The following POC1B variants were observed in gnomAD, a reference collection of about 807,000 sequenced individuals.
The protein encoded by POC1B is POC1 centriolar protein homolog B.
In POC1B, 44 loss-of-function variants were observed where a neutral mutation model predicts 60.6. The observed-to-expected ratio is 0.73, with a 90% CI of 0.57 to 0.93. POC1B has a LOEUF of 0.93. Ranked by LOEUF, POC1B falls within the 40% of genes least tolerant of loss-of-function variation. The pLI is 0.00. For missense variants in POC1B, 555 were observed against 572.3 expected (o/e 0.97, Z 0.31); for synonymous variants, 180 against 198.9 (o/e 0.90, Z 0.80).
intron 2 of POC1B, chr12:89,522,260 A>G (rs1248460655): frequency 1.3e-5 from 5 of 398,092 alleles, no homozygotes; most frequent in African/African-American, 8.2e-5. Flanking sequence ...CCAATTACAC[A>G]TATCTCTAAA....
At chr12:89,455,530 T>C (rs754817816) in intron 10 of POC1B, among the ~76,000 whole-genome samples, 9 of 152,230 alleles carry the variant, frequency 5.9e-5, no homozygotes, top group African/African-American at 2.2e-4. Flanking sequence ...TACTTCTGTC[T>C]GGCTAGGTTG....
Position 89,497,276 on chromosome 12 carries a change from T to A in POC1B, c.167A>T (p.Tyr56Phe). 1 of 1,613,312 alleles carries A rather than the reference T, an allele frequency of 6.2e-7. No individual in the cohort carries two copies. ...NFKPHARAYR[Y>F]VGHKDVVTSV... The stretch of plus-strand genomic sequence containing the variant: ...GGTTACAACATCCTTGTGACCCACA[T>A]ATCTGTAAGCTCTAGCATGTGGCTT... The change falls in exon 3 of 12, where the codon TAT becomes TTT. Residue 56 changes from tyrosine to phenylalanine, a missense_variant. By Grantham distance (22) the Tyr-to-Phe change is conservative (BLOSUM62 3). Coordinates refer to ENST00000313546, the MANE Select transcript of POC1B (RefSeq NM_172240.3).
the POC1B span, among the ~76,000 whole-genome samples, chr12:89,405,151 C>A: frequency 2.6e-5 from 4 of 152,040 alleles, no homozygotes; most frequent in East Asian, 5.8e-4. Flanking sequence ...TTGTCAGAAC[C>A]AAACTTGTAA....
intron 10 of POC1B, chr12:89,429,591 T>C (rs1379532098): frequency 6.6e-6 from 1 of 152,216 alleles, no homozygotes; most frequent in Non-Finnish European, 1.5e-5. Flanking sequence ...ACTGAGCATC[T>C]ATCTATACAT....
intron 1 of POC1B, 165 bp from the exon 2 acceptor site, chr12:89,525,369 C>G: frequency 1.4e-6 from 2 of 1,423,798 alleles, no homozygotes; most frequent in Non-Finnish European, 1.8e-6. Flanking sequence ...GGGCGCGGCG[C>G]CCAGTCCTGC....
chr12:89,437,197 C>T (rs897860507), intron 10 of POC1B, among the ~76,000 whole-genome samples: 1 of 152,046 alleles, frequency 6.6e-6, no homozygotes, highest in Non-Finnish European at 1.5e-5. Flanking sequence ...GTTTTATCTC[C>T]CTCCAACCCC....
At chr12:89,442,405 T>A (rs1483093194) in intron 10 of POC1B, among the ~76,000 whole-genome samples, 1 of 152,176 alleles carries the variant, frequency 6.6e-6, no homozygotes, top group African/African-American at 2.4e-5. Flanking sequence ...ACAGCAGATG[T>A]CTCGGCAGAA....
chr12:89,519,409 C>G (rs1870657975), intron 2 of POC1B: 1 of 152,102 alleles, frequency 6.6e-6, no homozygotes. Context: ...TAATCACAAT[C>G]TATTTGCAAA....
chr12:89,429,181 A>G (rs1372209662), intron 10 of POC1B: 2 of 152,224 alleles, frequency 1.3e-5, no homozygotes, highest in Admixed American at 6.5e-5. Context: ...AAAATATATT[A>G]TTATCATATG....
rs115300017 is a variant in POC1B, at chr12:89,451,540, G to A, written c.1113+8098C>T. 7.7e-3 allele frequency among the ~76,000 whole-genome samples: 1,166 copies of A among 152,296 alleles called. 11 individuals carry two copies. Among genetic ancestry groups the A allele is most frequent in the African/African-American group, 0.026 (1,090 of 41,564 alleles). On this transcript the variant is annotated intron_variant, in intron 10 of 11. Coordinates refer to ENST00000313546, the MANE Select transcript of POC1B (RefSeq NM_172240.3). ...TTTATGTTTCAGGATATATGATTGT[G>A]TGGCCTGACAATCTCAGAAAGTAAA...
intron 11 of POC1B, among the ~76,000 whole-genome samples, chr12:89,424,892 C>T (rs998075202): frequency 2.0e-5 from 3 of 152,132 alleles, no homozygotes; most frequent in African/African-American, 7.2e-5. Context: ...GAAATGGTTA[C>T]TCCCAATACA....
intron 7 of POC1B, 23 bp from the exon 8 acceptor site, chr12:89,467,708 G>A (rs1414230471): frequency 1.3e-6 from 2 of 1,569,248 alleles, no homozygotes; most frequent in Non-Finnish European, 1.7e-6. Context: ...GGGAAATAAA[G>A]AAAAAAAGTA....
At chr12:89,415,189 ATT>A (rs1479626224), downstream of POC1B, among the ~76,000 whole-genome samples, 2 of 152,202 alleles carry the variant, frequency 1.3e-5, no homozygotes, top group African/African-American at 4.8e-5. Flanking sequence ...TTATATAATC[ATT>A]CTTTTTGTTA....
chr12:89,517,220 C>CTA (rs1397057938), intron 2 of POC1B, among the ~76,000 whole-genome samples: 1 of 152,176 alleles, frequency 6.6e-6, no homozygotes, highest in African/African-American at 2.4e-5. Flanking sequence ...TGCTACTCTC[C>CTA]TTTTAGTCCT....
intron 5 of POC1B, 58 bp downstream of exon 5, chr12:89,472,109 TA>T: frequency 9.0e-7 from 1 of 1,111,002 alleles, no homozygotes; most frequent in Non-Finnish European, 1.3e-6. Context: ...TAAATTGTTA[TA>T]ATCAAACGTC....
At chr12:89,502,265 T>A in intron 2 of POC1B, 1 of 1,511,280 alleles carries the variant, frequency 6.6e-7, no homozygotes, top group Non-Finnish European at 9.2e-7. Context: ...ACTAAAGTGA[T>A]ACCAAAGAAC....
rs1318813280 is a variant in POC1B, at chr12:89,421,127, C to T, written c.*26G>A. 1 of 1,538,908 alleles carries T rather than the reference C, an allele frequency of 6.5e-7. No individual in the cohort carries two copies. The highest frequency in any genetic ancestry group is 8.9e-7 in the Non-Finnish European group (1 of 1,126,242). ...ATTTGTTCATTTATTGGGCCTCTGCCCAACAAATGAAAATGAATTTTTTAT... is the reference window on the plus strand; with the variant it reads ...ATTTGTTCATTTATTGGGCCTCTGCTCAACAAATGAAAATGAATTTTTTAT... On this transcript the variant is annotated 3_prime_UTR_variant, in exon 12 of 12. Transcript: ENST00000313546.
chr12:89,466,682 T>C (rs1021089526), intron 9 of POC1B, 88 bp downstream of exon 9: 8 of 1,284,460 alleles, frequency 6.2e-6, no homozygotes, highest in Non-Finnish European at 8.6e-6. Flanking sequence ...CTAGGTTTTA[T>C]ATATAATTCA....
At chr12:89,474,346 C>T (rs1213463882) in intron 4 of POC1B, among the ~76,000 whole-genome samples, 3 of 152,112 alleles carry the variant, frequency 2.0e-5, no homozygotes, top group Non-Finnish European at 4.4e-5. Flanking sequence ...TTAACTCTTA[C>T]ATTTCAAGAA....
Sources: allele counts gnomAD v4.1 joint callset (sites outside exome capture counted in the v4.1 genomes callset), GRCh38; gene constraint gnomAD v4.1.1; transcripts MANE v1.5; gene names NCBI Gene and HGNC (gene_info 2026-07-23, HGNC 2026-07-21).